GABRA1: variants seen among roughly 807,000 people sequenced by gnomAD.
The protein encoded by GABRA1 is gamma-aminobutyric acid type A receptor subunit alpha1.
A neutral mutation model predicts 48.9 loss-of-function variants in GABRA1; 9 were observed. That is an observed-to-expected ratio of 0.18 (90% CI 0.11 to 0.32). The LOEUF is 0.32. GABRA1 is among the 10% of genes least tolerant of loss of function. GABRA1 has a pLI of 1.00. For synonymous variants in GABRA1, 210 were observed against 198.7 expected, an observed-to-expected ratio of 1.06 and a Z score of -0.48; for missense variants, 285 against 553.8, an observed-to-expected ratio of 0.51 and a Z score of 4.87.
chr5:161,857,972 T>C (rs555159430), intron 3 of GABRA1, among the ~76,000 whole-genome samples: 1 of 135,364 alleles, frequency 7.4e-6, no homozygotes, highest in Admixed American at 7.6e-5. Context: ...AATGGGAAGA[T>C]GTGAAAGAAA....
At chr5:161,876,252 G>T (rs1368856970) in intron 6 of GABRA1, among the ~76,000 whole-genome samples, 1 of 151,908 alleles carries the variant, frequency 6.6e-6, no homozygotes, top group Non-Finnish European at 1.5e-5. Flanking sequence ...AACTTCCTGG[G>T]TTTCAGCTGT....
chr5:161,867,999 A>G (rs529576055), intron 4 of GABRA1, among the ~76,000 whole-genome samples: 55 of 152,052 alleles, frequency 3.6e-4, no homozygotes, highest in African/African-American at 1.3e-3. Flanking sequence ...TTTAGAGTAA[A>G]TGTTAAATTA....
intron 7 of GABRA1, 42 bp downstream of exon 7, chr5:161,882,743 GAAT>G (rs781726904): frequency 9.7e-5 from 152 of 1,560,476 alleles, no homozygotes; most frequent in Non-Finnish European, 1.3e-4. Context: ...GGAAGAAGAA[GAAT>G]AATATTTTGT....
At chr5:161,894,426 G>A (rs1040099448) in intron 8 of GABRA1, among the ~76,000 whole-genome samples, 2 of 152,110 alleles carry the variant, frequency 1.3e-5, no homozygotes, top group Admixed American at 6.6e-5. Flanking sequence ...TCTTTTGAGT[G>A]AGTGAGCAAA....
intron 4 of GABRA1, among the ~76,000 whole-genome samples, chr5:161,866,428 T>C (rs1753854692): frequency 1.3e-5 from 2 of 152,184 alleles, no homozygotes; most frequent in East Asian, 1.9e-4. Context: ...AATTATATAA[T>C]ATTCCTGAAC....
chr5:161,878,626 T>C (rs190980663), intron 6 of GABRA1, among the ~76,000 whole-genome samples: 33 of 152,294 alleles, frequency 2.2e-4, no homozygotes, highest in African/African-American at 7.2e-4. Context: ...ATTCTGATTG[T>C]TAAGGCTAAC....
intron 4 of GABRA1, among the ~76,000 whole-genome samples, chr5:161,866,406 G>C (rs1163080295): frequency 6.6e-6 from 1 of 151,912 alleles, no homozygotes; most frequent in Admixed American, 6.6e-5. Context: ...GGGAGTTATA[G>C]AGCTCTACAG....
chr5:161,859,962 G>A lies in GABRA1; in HGVS notation c.187+5692G>A, dbSNP rs1757790039. 2.0e-5 allele frequency among the ~76,000 whole-genome samples: 3 copies of A among 151,682 alleles called. No individual in the cohort carries two copies. In the South Asian group the frequency reaches 6.2e-4, roughly 31 times the overall value. On this transcript the variant is annotated intron_variant, in intron 3 of 9. Transcript: ENST00000393943. ...CTCTGGAATCCTTCCTTTTGAATTT[G>A]CTGTCGTTTTCTCTGTGGCTTTTAA...
chr5:161,867,841 TAC>T lies in GABRA1; in HGVS notation c.255+2054_255+2055del, dbSNP rs202045303. ...CTAATCACATGTATTGACTATAAAA[TAC>T]CTTTTAGCTTTCGGCCACATATATA... On this transcript the variant is annotated intron_variant, in intron 4 of 9. Transcript: ENST00000393943. Among the ~76,000 whole-genome samples, 117 of 152,266 alleles carry T rather than the reference TAC, an allele frequency of 7.7e-4. 1 individual carries two copies. In the East Asian group the frequency reaches 0.018, roughly 23 times the overall value.
intron 2 of GABRA1, among the ~76,000 whole-genome samples, chr5:161,851,904 T>A (rs778739656): frequency 6.6e-6 from 1 of 151,986 alleles, no homozygotes; most frequent in African/African-American, 2.4e-5. Flanking sequence ...GTAGATGGAG[T>A]TAGTGCACAG....
At chr5:161,857,764 A>G (rs989563561) in intron 3 of GABRA1, among the ~76,000 whole-genome samples, 1 of 151,552 alleles carries the variant, frequency 6.6e-6, no homozygotes. Flanking sequence ...AATAATCAGT[A>G]TCCAGAAAAT....
intron 6 of GABRA1, among the ~76,000 whole-genome samples, chr5:161,878,719 C>T (rs1223375219): frequency 6.6e-6 from 1 of 152,078 alleles, no homozygotes; most frequent in African/African-American, 2.4e-5. Context: ...CAACTGTGAT[C>T]GTTTCACTGC....
At chr5:161,853,342 A>G (rs1757525451) in intron 2 of GABRA1, among the ~76,000 whole-genome samples, 1 of 151,848 alleles carries the variant, frequency 6.6e-6, no homozygotes, top group African/African-American at 2.4e-5. Flanking sequence ...AATTATCCCA[A>G]TATAGAAGAA....
At chr5:161,865,613 T>G (rs1442772461) in intron 3 of GABRA1, 108 bp from the exon 4 acceptor site, 4 of 885,904 alleles carry the variant, frequency 4.5e-6, no homozygotes, top group African/African-American at 3.3e-5. Flanking sequence ...ATTTTAGAAA[T>G]AGCTAATCAA....
intron 7 of GABRA1, among the ~76,000 whole-genome samples, chr5:161,883,129 T>C (rs1034616373): frequency 6.6e-6 from 1 of 152,198 alleles, no homozygotes; most frequent in Non-Finnish European, 1.5e-5. Context: ...TAACTATTTA[T>C]ATAGTCTAGG....
rs552193783 is a variant in GABRA1, at chr5:161,886,407, G to A, written c.703+3706G>A. Among the ~76,000 whole-genome samples, 11 of 151,422 alleles carry A rather than the reference G, an allele frequency of 7.3e-5. No individual in the cohort carries two copies. The South Asian group carries it at 1.9e-3, about 26-fold the overall frequency. On this transcript the variant is annotated intron_variant, in intron 7 of 9. Coordinates refer to ENST00000393943, the MANE Select transcript of GABRA1 (RefSeq NM_001127644.2). ...TATTGTGAGATGGAAATAAGAAAATGCATGTAAACTGCCTAGAAGAGTATC... is the reference window on the plus strand; with the variant it reads ...TATTGTGAGATGGAAATAAGAAAATACATGTAAACTGCCTAGAAGAGTATC...
chr5:161,868,244 A>G lies in GABRA1; in HGVS notation c.255+2456A>G, dbSNP rs370904992. 1.3e-3 allele frequency among the ~76,000 whole-genome samples: 191 copies of G among 152,250 alleles called. 1 individual carries two copies. Among genetic ancestry groups the G allele is most frequent in the African/African-American group, 4.2e-3 (176 of 41,550 alleles). Reference sequence around the variant, plus strand: ...AGATTTGCAGAGATTAGGCACCAGAATCAACCAGATTAACCCACCCAGTCA... The same window carrying G: ...AGATTTGCAGAGATTAGGCACCAGAGTCAACCAGATTAACCCACCCAGTCA... On this transcript the variant is annotated intron_variant, in intron 4 of 9. Coordinates refer to ENST00000393943, the MANE Select transcript of GABRA1 (RefSeq NM_001127644.2).
At chr5:161,879,940 C>A (rs12187575) in intron 6 of GABRA1, among the ~76,000 whole-genome samples, 29,128 of 152,160 alleles carry the variant, frequency 0.19, 3,433 homozygotes, top group Middle Eastern at 0.31. Flanking sequence ...TTGCTAACAG[C>A]AGTGCAATAT....
At chr5:161,859,364 T>C (rs1179888640) in intron 3 of GABRA1, among the ~76,000 whole-genome samples, 1 of 151,736 alleles carries the variant, frequency 6.6e-6, no homozygotes, top group Non-Finnish European at 1.5e-5. Context: ...GATGTAAGAA[T>C]TCCCAACTCC....
Sources: allele counts gnomAD v4.1 joint callset (sites outside exome capture counted in the v4.1 genomes callset), GRCh38; gene constraint gnomAD v4.1.1; transcripts MANE v1.5; gene names NCBI Gene and HGNC (gene_info 2026-07-23, HGNC 2026-07-21).